Variants in SLC24A3 observed in about 807,000 individuals in gnomAD.
SLC24A3 encodes sodium/potassium/calcium exchanger 3.
Under a neutral mutation model 75.8 loss-of-function variants are expected in SLC24A3, and 28 were observed. The ratio of observed to expected loss-of-function variants is 0.37; its 90% CI spans 0.27 to 0.51. The LOEUF is 0.51. Ranked by LOEUF, SLC24A3 falls within the 20% of genes least tolerant of loss-of-function variation. The probability of loss-of-function intolerance (pLI) is 0.94; values close to 1 mark genes in which losing one functional copy is unlikely to be tolerated. For synonymous variants in SLC24A3, 372 were observed against 334.1 expected, an observed-to-expected ratio of 1.11 and a Z score of -1.24; for missense variants, 663 against 847.8, an observed-to-expected ratio of 0.78 and a Z score of 2.71.
intron 2 of SLC24A3, among the ~76,000 whole-genome samples, chr20:19,297,012 A>G (rs1425086293): frequency 6.6e-6 from 1 of 152,210 alleles, no homozygotes; most frequent in Non-Finnish European, 1.5e-5. Context: ...GCATTTTATT[A>G]TGAACATTTG....
intron 8 of SLC24A3, among the ~76,000 whole-genome samples, chr20:19,666,197 G>A (rs1600329264): frequency 6.6e-6 from 1 of 152,232 alleles, no homozygotes; most frequent in Middle Eastern, 3.4e-3. Flanking sequence ...CATGTGCTAG[G>A]GTAGAGTTAA....
chr20:19,586,594 A>T (rs946637853), intron 6 of SLC24A3, among the ~76,000 whole-genome samples: 3 of 152,120 alleles, frequency 2.0e-5, no homozygotes, highest in Non-Finnish European at 2.9e-5. Context: ...TGCCCGTTCC[A>T]CTGATGTAGA....
At chr20:19,631,791 A>AGAGTGTGTGTGTGTGTGT (rs1555803686) in intron 6 of SLC24A3, among the ~76,000 whole-genome samples, 4 of 147,944 alleles carry the variant, frequency 2.7e-5, no homozygotes, top group Admixed American at 1.3e-4. Context: ...TATGAGTGAG[A>AGAGTGTGTGTGTGTGTGT]GTGTGTGTGT....
intron 1 of SLC24A3, among the ~76,000 whole-genome samples, chr20:19,228,222 GT>G (rs766438732): frequency 1.3e-5 from 2 of 152,114 alleles, no homozygotes; most frequent in African/African-American, 2.4e-5. Context: ...TAGCTGAGGA[GT>G]TTTTTTACTG....
intron 6 of SLC24A3, among the ~76,000 whole-genome samples, chr20:19,646,173 T>C (rs1452074699): frequency 6.6e-6 from 1 of 152,194 alleles, no homozygotes; most frequent in East Asian, 1.9e-4. Context: ...AAACTTCCAA[T>C]CTTGTGCTTA....
intron 12 of SLC24A3, among the ~76,000 whole-genome samples, chr20:19,687,596 T>C (rs1472762027): frequency 1.3e-5 from 2 of 152,190 alleles, no homozygotes; most frequent in Non-Finnish European, 2.9e-5. Flanking sequence ...GTCGAGCCAG[T>C]GGAAGTTCTG....
chr20:19,647,936 T>A (rs2032158105), intron 6 of SLC24A3, among the ~76,000 whole-genome samples: 2 of 152,216 alleles, frequency 1.3e-5, no homozygotes, highest in South Asian at 4.1e-4. Flanking sequence ...AGATTTAAAA[T>A]GTGAATTTAT....
chr20:19,365,083 T>C (rs944150853), intron 2 of SLC24A3, among the ~76,000 whole-genome samples: 9 of 152,132 alleles, frequency 5.9e-5, no homozygotes, highest in Non-Finnish European at 1.5e-5. Flanking sequence ...GCCATGCAGC[T>C]GTGCCAGGAT....
chr20:19,362,280 A>G (rs1028709259), intron 2 of SLC24A3, among the ~76,000 whole-genome samples: 5 of 152,202 alleles, frequency 3.3e-5, no homozygotes, highest in Non-Finnish European at 7.3e-5. Context: ...TATCATTTCC[A>G]GGGCATTTTT....
chr20:19,237,756 C>A (rs1283014155), intron 1 of SLC24A3, among the ~76,000 whole-genome samples: 3 of 152,196 alleles, frequency 2.0e-5, no homozygotes, highest in Admixed American at 1.3e-4. Flanking sequence ...GAGAGATATG[C>A]AGCTCTCATG....
intron 3 of SLC24A3, among the ~76,000 whole-genome samples, chr20:19,574,334 G>A (rs2031098166): frequency 6.6e-6 from 1 of 152,100 alleles, no homozygotes; most frequent in African/African-American, 2.4e-5. Flanking sequence ...TATTATCTGG[G>A]CTGTATCTGT....
Position 19,685,331 on chromosome 20 carries a change from G to A in SLC24A3, c.1294G>A (p.Glu432Lys). The A allele has an allele frequency of 6.2e-7, 1 of 1,614,200 alleles. No homozygotes were observed. Among genetic ancestry groups the A allele is most frequent in the Non-Finnish European group, 8.5e-7 (1 of 1,180,030 alleles). Reference protein sequence around the residue: ...EEEEEDEDDDEGPYTPFDTPS... With the variant: ...EEEEEDEDDDKGPYTPFDTPS... ...GGAAGAGGAGGACGAGGATGATGAT[G>A]AAGGACCGTACACACCATTCGACAC... is the stretch of plus-strand genomic sequence containing the variant. Residue 432 changes from glutamate (E) to lysine (K), a missense_variant, in exon 12 of 17, where the codon GAA (glutamate) becomes AAA (lysine). Transcript: ENST00000328041.
At chr20:19,367,197 G>A (rs1225115197) in intron 2 of SLC24A3, among the ~76,000 whole-genome samples, 2 of 152,244 alleles carry the variant, frequency 1.3e-5, no homozygotes, top group Admixed American at 6.5e-5. Flanking sequence ...GGACAGCACA[G>A]AAGTGGACAG....
At chr20:19,627,253 C>T (rs914707212) in intron 6 of SLC24A3, among the ~76,000 whole-genome samples, 5 of 152,282 alleles carry the variant, frequency 3.3e-5, no homozygotes, top group East Asian at 1.9e-4. Flanking sequence ...GTGGTACAAC[C>T]GCACATAAGC....
At chr20:19,425,949 T>C (rs1986998767) in intron 2 of SLC24A3, among the ~76,000 whole-genome samples, 1 of 152,216 alleles carries the variant, frequency 6.6e-6, no homozygotes, top group Admixed American at 6.5e-5. Flanking sequence ...TTGTGCTTTC[T>C]TGCCCTGAAC....
intron 8 of SLC24A3, 136 bp downstream of exon 8, chr20:19,666,025 C>A: frequency 1.1e-6 from 1 of 895,238 alleles, no homozygotes; most frequent in Non-Finnish European, 1.7e-6. Flanking sequence ...TCCTAGGAAC[C>A]CTCTGCACAC....
At position 19,441,462 on chromosome 20, in the gene SLC24A3, C is replaced by G. The variant is rs529612983; in HGVS notation, c.272-74026C>G. On this transcript the variant is annotated intron_variant, in intron 2 of 16. Coordinates refer to ENST00000328041, the MANE Select transcript of SLC24A3 (RefSeq NM_020689.4). ...CTAATCAGATCATCACTTCTTAGAC[C>G]TCCAGGGAACAGAAATATATTTAAT... Among the ~76,000 whole-genome samples the G allele has an allele frequency of 2.0e-5, 3 of 152,244 alleles. No individual in the cohort carries two copies. The South Asian group carries it at 6.2e-4, about 32-fold the overall frequency.
chr20:19,357,297 T>C (rs958915838), intron 2 of SLC24A3, among the ~76,000 whole-genome samples: 4 of 152,152 alleles, frequency 2.6e-5, no homozygotes, highest in African/African-American at 7.2e-5. Context: ...CGGTTTGGAC[T>C]TCTGGCCTCC....
intron 3 of SLC24A3, among the ~76,000 whole-genome samples, chr20:19,521,031 T>G (rs1346894927): frequency 6.6e-6 from 1 of 152,144 alleles, no homozygotes; most frequent in Non-Finnish European, 1.5e-5. Context: ...TCCCTCTGGC[T>G]TTGTGGTTTT....
Sources: allele counts gnomAD v4.1 joint callset (sites outside exome capture counted in the v4.1 genomes callset), GRCh38; gene constraint gnomAD v4.1.1; transcripts MANE v1.5; gene names NCBI Gene and HGNC (gene_info 2026-07-23, HGNC 2026-07-21).